The following F2RL2 variants were observed in gnomAD, a reference collection of about 807,000 sequenced individuals.
F2RL2 encodes the protein coagulation factor II thrombin receptor like 2.
F2RL2 carries 4 observed loss-of-function variants against 4.3 expected under a neutral mutation model. The observed-to-expected ratio is 0.93, with a 90% CI of 0.46 to 2.12. The LOEUF (loss-of-function observed/expected upper bound fraction) is 2.12. F2RL2 is among the 30% of genes most tolerant of loss of function. The pLI is 0.02. For missense variants in F2RL2, 408 were observed against 449.3 expected (o/e 0.91, Z 0.83); for synonymous variants, 166 against 170.9 (o/e 0.97, Z 0.22).
rs925552290 is a variant in F2RL2, at chr5:76,618,557, C to T, written c.150G>A (p.Glu50=). The change falls in exon 2 of 2, where the codon GAG becomes GAA. Residue 50 remains glutamate (E), a synonymous_variant. Coordinates refer to ENST00000296641, the MANE Select transcript of F2RL2 (RefSeq NM_004101.4). The stretch of plus-strand genomic sequence containing the variant: ...AGCCTTCCAAGGCAGAAAAGGGGAA[C>T]TCTTCAAAAGAATTTGGGGGAGCTC... ...FRGAPPNSFE[E]FPFSALEGWT... The T allele has an allele frequency of 2.7e-5, 43 of 1,613,954 alleles. No homozygotes were observed. Among genetic ancestry groups the T allele is most frequent in the Non-Finnish European group, 3.6e-5 (43 of 1,180,030 alleles).
Position 76,623,132 on chromosome 5 carries a change from A to ACATCCC in F2RL2, c.64+29_64+34dup. The ACATCCC allele has an allele frequency of 1.9e-6, 3 of 1,604,846 alleles. No individual in the cohort carries two copies. In the South Asian group the frequency reaches 3.3e-5, roughly 18 times the overall value. ...GACTCTTAATTTGTAACAGAAACCC[A>ACATCCC]CATCCCCATCCTACCCCCTGAGAAA... On this transcript the variant is annotated intron_variant, in intron 1 of 1. Coordinates refer to ENST00000296641, the MANE Select transcript of F2RL2 (RefSeq NM_004101.4).
rs1210658319 is a variant in F2RL2 at position 76,623,390 on chromosome 5, C to T, written c.-160G>A. ...TGCAGGCAGGAAACTTGCCCTGGTC[C>T]TCCGCAGGGAAAGGATGTAATCCAC... On this transcript the variant is annotated 5_prime_UTR_variant, in exon 1 of 2. Coordinates refer to ENST00000296641, the MANE Select transcript of F2RL2 (RefSeq NM_004101.4). 6 of 718,770 alleles carry T rather than the reference C, an allele frequency of 8.3e-6. No homozygotes were observed. The highest frequency in any genetic ancestry group is 1.2e-5 in the Non-Finnish European group (5 of 434,472). 44.5% of individuals were successfully genotyped at this position (718,770 alleles called of 1,614,324 possible).
chr5:76,623,342 T>C lies in F2RL2; in HGVS notation c.-112A>G, dbSNP rs1245752212. ...GCAAATGGAAGCCTTGGTCTGTCTG[T>C]AGAAGTTTGCTCTCCTGTGCCGTGC... On this transcript the variant is annotated 5_prime_UTR_variant, in exon 1 of 2. Transcript: ENST00000296641. The C allele has an allele frequency of 6.0e-6, 8 of 1,335,358 alleles. No homozygotes were observed. The highest frequency in any genetic ancestry group is 2.0e-4 in the Middle Eastern group (1 of 5,076). 82.7% of individuals were successfully genotyped at this position (1,335,358 alleles called of 1,614,324 possible).
intron 1 of F2RL2, among the ~76,000 whole-genome samples, chr5:76,621,797 T>C (rs909170245): frequency 6.6e-5 from 10 of 152,212 alleles, no homozygotes; most frequent in Admixed American, 6.5e-4. Context: ...TATTGTATTT[T>C]AATTCTTTAT....
Position 76,618,627 on chromosome 5 carries a change from G to T in F2RL2, c.80C>A (p.Thr27Lys). 1 of 1,611,222 alleles carries T rather than the reference G, an allele frequency of 6.2e-7. No homozygotes were observed. Among genetic ancestry groups the T allele is most frequent in the East Asian group, 2.2e-5 (1 of 44,848 alleles). ...TFCQSGMENDTNNLAKPTLPI... is the reference protein window; with the variant it reads ...TFCQSGMENDKNNLAKPTLPI... The stretch of plus-strand genomic sequence containing the variant: ...TAAGGTTGGCTTTGCCAAGTTGTTT[G>T]TATCATTTTCCATGCCTGTAATTGA... Residue 27 changes from threonine to lysine, a missense_variant, in exon 2 of 2, where the codon ACA (threonine) becomes AAA (lysine). Coordinates refer to ENST00000296641, the MANE Select transcript of F2RL2 (RefSeq NM_004101.4).
chr5:76,618,329 G>T lies in F2RL2; in HGVS notation c.378C>A (p.Ile126=), dbSNP rs1561516892. 1 of 1,614,204 alleles carries T rather than the reference G, an allele frequency of 6.2e-7. No individual in the cohort carries two copies. The highest frequency in any genetic ancestry group is 8.5e-7 in the Non-Finnish European group (1 of 1,180,026). ...LWMLFFRTRS[I]CTTVFYTNLA... is the part of the protein sequence containing the mutation. ...GGTTGGTGTAGAATACAGTGGTACA[G>T]ATGGATCTGGTCCTGAAGAAAAGCA... The change falls in exon 2 of 2, where the codon ATC becomes ATA. Residue 126 remains isoleucine, a synonymous_variant. Transcript: ENST00000296641.
Position 76,623,249 on chromosome 5 carries a change from G to C in F2RL2, c.-19C>G. On this transcript the variant is annotated 5_prime_UTR_variant, in exon 1 of 2. Transcript: ENST00000296641. ...CTTTCATTTTGATGACCTGAGTCCC[G>C]TCTCTTAAACGTTATGAAATCTGTA... The C allele has an allele frequency of 1.2e-6, 2 of 1,613,686 alleles. No individual in the cohort carries two copies. The highest frequency in any genetic ancestry group is 2.2e-5 in the South Asian group (2 of 91,038).
rs1284779408 is a variant in F2RL2, at chr5:76,615,813, AT to A, written c.*1768del. ...TTAAAAGCTATGTCTAAGAAAAAAA[AT>A]AGTGGAGGCATTATTTAAAACTTCT... is the stretch of plus-strand genomic sequence containing the variant. On this transcript the variant is annotated 3_prime_UTR_variant, in exon 2 of 2. Coordinates refer to ENST00000296641, the MANE Select transcript of F2RL2 (RefSeq NM_004101.4). 2 of 152,666 alleles carry A rather than the reference AT, an allele frequency of 1.3e-5. No homozygotes were observed. Among genetic ancestry groups the A allele is most frequent in the African/African-American group, 4.8e-5 (2 of 41,460 alleles). 9.5% of individuals were successfully genotyped at this position (152,666 alleles called of 1,614,324 possible).
In F2RL2 at chr5:76,618,224, A is replaced by G. The variant is rs1749203895; in HGVS notation, c.483T>C (p.Phe161=). 1 of 1,614,194 alleles carries G rather than the reference A, an allele frequency of 6.2e-7. No homozygotes were observed. The highest frequency in any genetic ancestry group is 8.5e-7 in the Non-Finnish European group (1 of 1,180,036). Residue 161 remains phenylalanine (F), a synonymous_variant, in exon 2 of 2, where the codon TTT becomes TTC. Coordinates refer to ENST00000296641, the MANE Select transcript of F2RL2 (RefSeq NM_004101.4). ...AYHLNGNNWV[F]GEVLCRATTV... ...TGGTGGCCCGGCACAGGACCTCTCCAAATACCCAGTTGTTCCCATTGAGAT... is the reference window on the plus strand; with the variant it reads ...TGGTGGCCCGGCACAGGACCTCTCCGAATACCCAGTTGTTCCCATTGAGAT...
Position 76,619,541 on chromosome 5 carries a change from C to T in F2RL2, c.65-899G>A, listed in dbSNP as rs113754564. ...TTTTTTTTTTTTTTTTTTTTTGAGA[C>T]AGTCTCACTCTGTCGCCCAGGCTGG... On this transcript the variant is annotated intron_variant, in intron 1 of 1. Transcript: ENST00000296641. 4.9e-3 allele frequency among the ~76,000 whole-genome samples: 581 copies of T among 119,642 alleles called. 2 individuals carry two copies. The highest frequency in any genetic ancestry group is 0.012 in the Admixed American group (118 of 9,608). The allele number at this position is 119,642 out of a possible 152,430, so 78.5% of individuals were successfully genotyped here. A position where few individuals can be genotyped will look rare whatever the true frequency, so the allele number is the denominator to read the frequency against.
Position 76,623,274 on chromosome 5 carries a change from A to G in F2RL2, c.-44T>C, listed in dbSNP as rs1410073610. 6 of 1,603,830 alleles carry G rather than the reference A, an allele frequency of 3.7e-6. No homozygotes were observed. Among genetic ancestry groups the G allele is most frequent in the African/African-American group, 1.3e-5 (1 of 74,726 alleles). On this transcript the variant is annotated 5_prime_UTR_variant, in exon 1 of 2. Transcript: ENST00000296641. ...GTCTCTTAAACGTTATGAAATCTGT[A>G]AAATCATGGAGCACAATTTCACCTC...
intron 1 of F2RL2, among the ~76,000 whole-genome samples, chr5:76,619,915 G>A (rs555956035): frequency 6.6e-6 from 1 of 152,244 alleles, no homozygotes; most frequent in Admixed American, 6.5e-5. Context: ...GGTTGTCAAA[G>A]TCAGAGATTT....
At position 76,615,917 on chromosome 5, in the gene F2RL2, A is replaced by G. The variant is rs997355382; in HGVS notation, c.*1665T>C. ...CCAACCTGAAATGATGTCATCCCGT[A>G]TCATCACAGTATGTTGCTTTTTCAG... On this transcript the variant is annotated 3_prime_UTR_variant, in exon 2 of 2. Coordinates refer to ENST00000296641, the MANE Select transcript of F2RL2 (RefSeq NM_004101.4). 4 of 152,646 alleles carry G rather than the reference A, an allele frequency of 2.6e-5. No individual in the cohort carries two copies. Among genetic ancestry groups the G allele is most frequent in the African/African-American group, 9.7e-5 (4 of 41,448 alleles). The allele number at this position is 152,646 out of a possible 1,614,324, so 9.5% of individuals were successfully genotyped here.
At position 76,618,026 on chromosome 5, in the gene F2RL2, T is replaced by C. The variant is rs1418675264; in HGVS notation, c.681A>G (p.Pro227=). 1.9e-6 allele frequency: 3 copies of C among 1,614,034 alleles called. No homozygotes were observed. The highest frequency in any genetic ancestry group is 2.5e-6 in the Non-Finnish European group (3 of 1,180,020). Residue 227 remains proline (P), a synonymous_variant, in exon 2 of 2, where the codon CCA becomes CCG. Transcript: ENST00000296641. The part of the protein sequence containing the change: ...VWATVFLYML[P]FFILKQEYYL... ...AATATTCCTGCTTCAGTATGAAAAA[T>C]GGCAGCATATATAAGAAAACTGTTG...
intron 1 of F2RL2, among the ~76,000 whole-genome samples, chr5:76,622,134 A>G (rs1749751227): frequency 6.6e-6 from 1 of 152,112 alleles, no homozygotes; most frequent in African/African-American, 2.4e-5. Context: ...CCCATGGAAG[A>G]AAGCAAATTC....
In F2RL2 at chr5:76,617,973, C is replaced by T. The variant is rs1432155006; in HGVS notation, c.734G>A (p.Cys245Tyr). 1 of 1,614,116 alleles carries T rather than the reference C, an allele frequency of 6.2e-7. No individual in the cohort carries two copies. The highest frequency in any genetic ancestry group is 1.7e-4 in the Middle Eastern group (1 of 6,060). Residue 245 changes from cysteine to tyrosine, a missense_variant, in exon 2 of 2, where the codon TGC (cysteine) becomes TAC (tyrosine). Transcript: ENST00000296641. ...YYLVQPDITT[C>Y]HDVHNTCESS... ...CTCGCAAGTGTTGTGAACATCATGGCAGGTGGTGATGTCTGGCTGAACAAG... is the reference window on the plus strand; with the variant it reads ...CTCGCAAGTGTTGTGAACATCATGGTAGGTGGTGATGTCTGGCTGAACAAG...
At position 76,618,238 on chromosome 5, in the gene F2RL2, T is replaced by C. The variant is rs1300508861; in HGVS notation, c.469A>G (p.Asn157Asp). 6.2e-7 allele frequency: 1 copy of C among 1,614,132 alleles called. No individual in the cohort carries two copies. The highest frequency in any genetic ancestry group is 2.2e-5 in the East Asian group (1 of 44,880). The change falls in exon 2 of 2, where the codon AAC becomes GAC. Residue 157 changes from asparagine (N) to aspartate (D), a missense_variant. Physicochemically the swap from Asn to Asp is conservative, Grantham distance 23. Coordinates refer to ENST00000296641, the MANE Select transcript of F2RL2 (RefSeq NM_004101.4). ...AGGACCTCTCCAAATACCCAGTTGT[T>C]CCCATTGAGATGATAAGCTATCTTA... ...PFKIAYHLNG[N>D]NWVFGEVLCR...
In F2RL2 at chr5:76,615,717, G is replaced by A. The variant is rs533162021; in HGVS notation, c.*1865C>T. 4 of 151,478 alleles carry A rather than the reference G, an allele frequency of 2.6e-5. No individual in the cohort carries two copies. In the East Asian group the frequency reaches 7.7e-4, roughly 29 times the overall value. The allele number at this position is 151,478 out of a possible 1,614,324, so 9.4% of individuals were successfully genotyped here. ...ATGTCTTCCTTCCTGTCTAATCACTGAGTTAAGGGAAAAATAGTCATTTAC... is the reference window on the plus strand; with the variant it reads ...ATGTCTTCCTTCCTGTCTAATCACTAAGTTAAGGGAAAAATAGTCATTTAC... On this transcript the variant is annotated 3_prime_UTR_variant, in exon 2 of 2. Transcript: ENST00000296641.
chr5:76,618,297 A>G lies in F2RL2; in HGVS notation c.410T>C (p.Ile137Thr), dbSNP rs1323130507. ...TGTAACACAAAAAAGAAAATCTGCA[A>G]TGGCCAGGTTGGTGTAGAATACAGT... is the stretch of plus-strand genomic sequence containing the variant. ...CTTVFYTNLA[I>T]ADFLFCVTLP... is the part of the protein sequence containing the mutation. The change falls in exon 2 of 2, where the codon ATT (isoleucine) becomes ACT (threonine). Residue 137 changes from isoleucine to threonine, a missense_variant. Transcript: ENST00000296641. The G allele has an allele frequency of 2.5e-6, 4 of 1,614,204 alleles. No homozygotes were observed. The highest frequency in any genetic ancestry group is 1.3e-5 in the African/African-American group (1 of 75,062).
Sources: allele counts gnomAD v4.1 joint callset (sites outside exome capture counted in the v4.1 genomes callset), GRCh38; gene constraint gnomAD v4.1.1; transcripts MANE v1.5; gene names NCBI Gene and HGNC (gene_info 2026-07-23, HGNC 2026-07-21).